The following MSS51 variants were observed in gnomAD, a reference collection of about 807,000 sequenced individuals.
MSS51 encodes MSS51 mitochondrial translational activator.
MSS51 carries 32 observed loss-of-function variants against 40.2 expected under a neutral mutation model. The ratio of observed to expected loss-of-function variants is 0.80; its 90% CI spans 0.60 to 1.07. The LOEUF (loss-of-function observed/expected upper bound fraction) is 1.07. MSS51 is among the 50% of genes least tolerant of loss of function. The pLI is 0.00. For missense variants in MSS51, 518 were observed against 568.9 expected (o/e 0.91, Z 0.91); for synonymous variants, 178 against 214.2 (o/e 0.83, Z 1.48).
At chr10:73,430,178 T>C (rs902991824) in intron 1 of MSS51, among the ~76,000 whole-genome samples, 1 of 152,044 alleles carries the variant, frequency 6.6e-6, no homozygotes, top group African/African-American at 2.4e-5. Context: ...TGGGGAAAGG[T>C]TCATGACATA....
rs771172523 is a variant in MSS51, at chr10:73,426,297, C to T, written c.583G>A (p.Gly195Arg). ...QDWDSWFSMKGLHLDATLDAV... is the reference protein window; with the variant it reads ...QDWDSWFSMKRLHLDATLDAV... ...TCCAATGTAGCATCTAGGTGTAACC[C>T]CTTCATAGAAAACCAGGAGTCCCAG... Residue 195 changes from glycine to arginine, a missense_variant, in exon 5 of 7, where the codon GGG (glycine) becomes AGG (arginine). Physicochemically the swap from Gly to Arg is moderately radical, Grantham distance 125. Coordinates refer to ENST00000299432, the MANE Select transcript of MSS51 (RefSeq NM_001024593.2). 4.4e-5 allele frequency: 71 copies of T among 1,608,334 alleles called. No individual in the cohort carries two copies. The South Asian group carries it at 6.9e-4, about 16-fold the overall frequency.
At position 73,425,272 on chromosome 10, in the gene MSS51, C is replaced by A. The variant is rs2055974142; in HGVS notation, c.1070-81G>T. ...CAAGATATTTCTTTGACTGTGAGCA[C>A]CCCACCCCTCACCTTGCTTATCCCC... On this transcript the variant is annotated intron_variant, in intron 5 of 6. Coordinates refer to ENST00000299432, the MANE Select transcript of MSS51 (RefSeq NM_001024593.2). 9.8e-6 allele frequency: 8 copies of A among 820,038 alleles called. No homozygotes were observed. In the East Asian group the frequency reaches 2.0e-4, roughly 21 times the overall value. 50.8% of individuals were successfully genotyped at this position (820,038 alleles called of 1,614,324 possible).
rs927795253 is a variant in MSS51 at position 73,427,527 on chromosome 10, G to A, written c.377+86C>T. On this transcript the variant is annotated intron_variant, in intron 3 of 6. Transcript: ENST00000299432. Reference sequence around the variant, plus strand: ...GATCCACCTGCCTCGGCCTCCCAAGGTGCTGGAATTACAGGCATGAGTCAT... The same window carrying A: ...GATCCACCTGCCTCGGCCTCCCAAGATGCTGGAATTACAGGCATGAGTCAT... 3 of 1,429,448 alleles carry A rather than the reference G, an allele frequency of 2.1e-6. No individual in the cohort carries two copies. In the African/African-American group the frequency reaches 4.3e-5, roughly 20 times the overall value. 88.5% of individuals were successfully genotyped at this position (1,429,448 alleles called of 1,614,324 possible). A position where few individuals can be genotyped will look rare whatever the true frequency, so the allele number is the denominator to read the frequency against.
rs1257746127 is a variant in MSS51 at position 73,427,654 on chromosome 10, AG to A, written c.335del (p.Pro112LeufsTer82). The A allele has an allele frequency of 1.2e-6, 2 of 1,613,982 alleles. No individual in the cohort carries two copies. The highest frequency in any genetic ancestry group is 2.7e-5 in the African/African-American group (2 of 74,940). On this transcript the variant is annotated frameshift_variant, in exon 3 of 7. Transcript: ENST00000299432. LOFTEE classifies it high-confidence loss of function. ...GAACCTTGGAGTCTGAAAGCCCACT[AG>A]GGAGTGCTCTACAGTGAGCACAGAA... is the stretch of plus-strand genomic sequence containing the variant. ...FRFCAHCRAL[P>X]SGLSDSKVLR... is the part of the protein sequence containing the mutation.
chr10:73,432,965 C>G (rs1477966484), intron 1 of MSS51, among the ~76,000 whole-genome samples: 1 of 152,112 alleles, frequency 6.6e-6, no homozygotes, highest in Non-Finnish European at 1.5e-5. Context: ...TTTGAACTTT[C>G]CAGAGTCTAG....
chr10:73,424,821 A>T (rs1371590397), intron 6 of MSS51, 49 bp from the exon 7 acceptor site: 4 of 1,507,330 alleles, frequency 2.7e-6, no homozygotes, highest in Non-Finnish European at 3.7e-6. Flanking sequence ...TGACAGAGAT[A>T]AAGGAAAAAC....
intron 1 of MSS51, among the ~76,000 whole-genome samples, chr10:73,432,890 CTG>C (rs2056038859): frequency 6.6e-6 from 1 of 152,144 alleles, no homozygotes; most frequent in Non-Finnish European, 1.5e-5. Context: ...AGGTTATAAA[CTG>C]AGAGAAACAA....
In MSS51 at chr10:73,424,625, A is replaced by AACT. The variant is rs757775472; in HGVS notation, c.1310_1311insAGT (p.Tyr437delinsTer). On this transcript the variant is annotated stop_gained, in exon 7 of 7. Transcript: ENST00000299432. LOFTEE classifies it high-confidence loss of function. ...GACAGGAGCTTCCAAGAAACATGAT[A>AACT]TAGTATGCACTGCAGTATACTGGCT... 1 of 1,614,170 alleles carries AACT rather than the reference A, an allele frequency of 6.2e-7. No homozygotes were observed. The highest frequency in any genetic ancestry group is 2.2e-5 in the East Asian group (1 of 44,886).
intron 1 of MSS51, among the ~76,000 whole-genome samples, chr10:73,432,564 A>C (rs2132726694): frequency 6.6e-6 from 1 of 152,284 alleles, no homozygotes; most frequent in African/African-American, 2.4e-5. Context: ...TCTTCCTCTA[A>C]AGGAAGATTA....
rs570963342 is a variant in MSS51 at position 73,426,145 on chromosome 10, A to G, written c.735T>C (p.Thr245=). The G allele has an allele frequency of 3.1e-6, 5 of 1,614,188 alleles. No individual in the cohort carries two copies. In the African/African-American group the frequency reaches 4.0e-5, roughly 13 times the overall value. Residue 245 remains threonine (T), a synonymous_variant, in exon 5 of 7, where the codon ACT becomes ACC. Coordinates refer to ENST00000299432, the MANE Select transcript of MSS51 (RefSeq NM_001024593.2). ...CCAAGGCCCTAAGTCCTAGGCCTAGAGTCAAGGGCCGTGACAGGACATCTG... is the reference window on the plus strand; with the variant it reads ...CCAAGGCCCTAAGTCCTAGGCCTAGGGTCAAGGGCCGTGACAGGACATCTG... The part of the protein sequence containing the change: ...LLTDVLSRPL[T]LGLGLRALGI...
rs766322945 is a variant in MSS51 at position 73,425,885 on chromosome 10, T to G, written c.995A>C (p.Tyr332Ser). The change falls in exon 5 of 7, where the codon TAC becomes TCC. Residue 332 changes from tyrosine to serine, a missense_variant. Coordinates refer to ENST00000299432, the MANE Select transcript of MSS51 (RefSeq NM_001024593.2). ...TIQLSAHRGL[Y>S]HDFWEEQVET... Reference sequence around the variant, plus strand: ...TACTTGCTCCTCCCAGAAGTCATGGTAGAGGCCCCTGTGGGCACTAAGCTG... The same window carrying G: ...TACTTGCTCCTCCCAGAAGTCATGGGAGAGGCCCCTGTGGGCACTAAGCTG... The G allele has an allele frequency of 1.2e-6, 2 of 1,613,978 alleles. No individual in the cohort carries two copies. The highest frequency in any genetic ancestry group is 1.7e-6 in the Non-Finnish European group (2 of 1,180,034).
At position 73,425,109 on chromosome 10, in the gene MSS51, A is replaced by T; in HGVS notation, c.1152T>A (p.Ile384=). 6.2e-7 allele frequency: 1 copy of T among 1,612,216 alleles called. No homozygotes were observed. The highest frequency in any genetic ancestry group is 8.5e-7 in the Non-Finnish European group (1 of 1,178,466). ...LLRDYKIPTL[I]TVYSHQELVS... is the part of the protein sequence containing the mutation. ...GATGAGGTCAAAACCTGTAAACAGT[A>T]ATCAATGTAGGAATCTTATAGTCAC... The change falls in exon 6 of 7, where the codon ATT becomes ATA. Residue 384 remains isoleucine (I), a synonymous_variant. Coordinates refer to ENST00000299432, the MANE Select transcript of MSS51 (RefSeq NM_001024593.2).
At position 73,427,752 on chromosome 10, in the gene MSS51, C is replaced by A; in HGVS notation, c.238G>T (p.Gly80Cys). 2 of 1,614,068 alleles carry A rather than the reference C, an allele frequency of 1.2e-6. No individual in the cohort carries two copies. Among genetic ancestry groups the A allele is most frequent in the Non-Finnish European group, 1.7e-6 (2 of 1,179,990 alleles). The change falls in exon 3 of 7, where the codon GGT (glycine) becomes TGT (cysteine). Residue 80 changes from glycine (G) to cysteine (C), a missense_variant. Physicochemically the swap from Gly to Cys is radical, Grantham distance 159. Transcript: ENST00000299432. ...AATCCAAAGCCTGATACGGGGGTAC[C>A]CCCATCTACCACCAACCTGCAGAGA... ...YEEYKLVVDG[G>C]TPVSGFGFRC...
rs538537413 is a variant in MSS51, at chr10:73,431,751, A to G, written c.-18+1762T>C. 1.1e-4 allele frequency among the ~76,000 whole-genome samples: 17 copies of G among 152,308 alleles called. No individual in the cohort carries two copies. The South Asian group carries it at 1.9e-3, about 17-fold the overall frequency. On this transcript the variant is annotated intron_variant, in intron 1 of 6. Transcript: ENST00000299432. ...GTGAATGGATGGTTTCAGTCCACAG[A>G]ACAGAAATAGTCAAGCTCATCTGTA...
intron 3 of MSS51, among the ~76,000 whole-genome samples, chr10:73,427,098 G>A (rs368432495): frequency 3.0e-4 from 46 of 152,102 alleles, no homozygotes; most frequent in Non-Finnish European, 5.7e-4. Flanking sequence ...AGACAGAGAG[G>A]ATTGTATTGT....
Position 73,428,207 on chromosome 10 carries a change from T to C in MSS51, c.78A>G (p.Thr26=). ...GGGTCAGAGGCACAGGGGTCACAAT[T>C]GTGGTTGGGGCCATGATGATGGGAG... is the stretch of plus-strand genomic sequence containing the variant. ...SVAPIIMAPT[T]IVTPVPLTPS... The change falls in exon 2 of 7, where the codon ACA becomes ACG. Residue 26 remains threonine, a synonymous_variant. Coordinates refer to ENST00000299432, the MANE Select transcript of MSS51 (RefSeq NM_001024593.2). 1 of 1,614,004 alleles carries C rather than the reference T, an allele frequency of 6.2e-7. No homozygotes were observed. Among genetic ancestry groups the C allele is most frequent in the Non-Finnish European group, 8.5e-7 (1 of 1,180,000 alleles).
intron 4 of MSS51, 21 bp downstream of exon 4, chr10:73,426,586 T>G: frequency 6.2e-7 from 1 of 1,613,696 alleles, no homozygotes; most frequent in Middle Eastern, 1.7e-4. Flanking sequence ...ATGGCAGAGA[T>G]CCTCAACACC....
At chr10:73,430,651 A>G (rs1589675682) in intron 1 of MSS51, among the ~76,000 whole-genome samples, 1 of 151,208 alleles carries the variant, frequency 6.6e-6, no homozygotes. Flanking sequence ...AGTAATTTGA[A>G]CCCTCGTACA....
rs201601750 is a variant in MSS51, at chr10:73,428,112, G to A, written c.173C>T (p.Ser58Leu). 6.3e-5 allele frequency: 101 copies of A among 1,614,036 alleles called. No homozygotes were observed. The highest frequency in any genetic ancestry group is 5.6e-4 in the East Asian group (25 of 44,866). ...FSLDDNVPGL[S>L]QLILQKLNMK... ...GTTCAGCTTTTGAAGGATCAGCTGC[G>A]ATAGGCCAGGAACATTATCATCCAA... The change falls in exon 2 of 7, where the codon TCG becomes TTG. Residue 58 changes from serine to leucine, a missense_variant. Ser to Leu is a moderately radical substitution (Grantham distance 145). Coordinates refer to ENST00000299432, the MANE Select transcript of MSS51 (RefSeq NM_001024593.2).
Sources: allele counts gnomAD v4.1 joint callset (sites outside exome capture counted in the v4.1 genomes callset), GRCh38; gene constraint gnomAD v4.1.1; transcripts MANE v1.5; gene names NCBI Gene and HGNC (gene_info 2026-07-23, HGNC 2026-07-21).